Variants in KIAA0825 observed in about 807,000 individuals in gnomAD.
KIAA0825 encodes uncharacterized protein KIAA0825.
A neutral mutation model predicts 147.6 loss-of-function variants in KIAA0825; 119 were observed. That is an observed-to-expected ratio of 0.81 (90% CI 0.69 to 0.94). The LOEUF (loss-of-function observed/expected upper bound fraction) is 0.94, where lower values mean the gene tolerates loss of function less well. Among genes scored for constraint, KIAA0825 ranks in the 40% least tolerant of loss-of-function variants. KIAA0825 has a pLI of 0.00. For missense variants in KIAA0825, 1,381 were observed against 1,472.7 expected (o/e 0.94, Z 1.02); for synonymous variants, 470 against 518.1 (o/e 0.91, Z 1.26).
intron 20 of KIAA0825, among the ~76,000 whole-genome samples, chr5:94,301,684 G>A (rs868084870): frequency 6.6e-5 from 10 of 152,204 alleles, no homozygotes; most frequent in Admixed American, 4.6e-4. Flanking sequence ...TAAATTTCAG[G>A]AAAGAAGAGG....
At chr5:94,279,082 T>C (rs1280816784) in intron 20 of KIAA0825, among the ~76,000 whole-genome samples, 2 of 152,092 alleles carry the variant, frequency 1.3e-5, no homozygotes, top group South Asian at 2.1e-4. Context: ...AGCACCTATA[T>C]TGTAATTAAT....
At chr5:94,326,295 C>T (rs1419089410) in intron 20 of KIAA0825, among the ~76,000 whole-genome samples, 1 of 152,074 alleles carries the variant, frequency 6.6e-6, no homozygotes, top group African/African-American at 2.4e-5. Context: ...CACTCAGCAG[C>T]ATTTCTTTCA....
intron 5 of KIAA0825, among the ~76,000 whole-genome samples, chr5:94,511,780 G>C (rs1455287660): frequency 6.6e-6 from 1 of 152,100 alleles, no homozygotes; most frequent in Non-Finnish European, 1.5e-5. Context: ...CTGGGGTCAG[G>C]AGTTTGAGAC....
chr5:94,335,205 C>T (rs1000695316), intron 20 of KIAA0825, among the ~76,000 whole-genome samples: 3 of 152,178 alleles, frequency 2.0e-5, no homozygotes, highest in South Asian at 2.1e-4. Context: ...TCTCACTTTA[C>T]TGTCCCCCAA....
intron 1 of KIAA0825, among the ~76,000 whole-genome samples, chr5:94,616,055 C>T (rs930682275): frequency 1.3e-5 from 2 of 152,032 alleles, no homozygotes; most frequent in Non-Finnish European, 2.9e-5. Flanking sequence ...GCTTCTATTA[C>T]ACGCCAGGCA....
chr5:94,363,174 C>CT (rs70978103), intron 20 of KIAA0825, among the ~76,000 whole-genome samples: 1,764 of 135,152 alleles, frequency 0.013, 18 homozygotes, highest in Non-Finnish European at 0.02. Flanking sequence ...AACCAGTTTT[C>CT]TTTTTTTTTT....
chr5:94,552,886 G>T (rs1775804102), intron 2 of KIAA0825, among the ~76,000 whole-genome samples: 1 of 152,178 alleles, frequency 6.6e-6, no homozygotes, highest in Admixed American at 6.5e-5. Flanking sequence ...GTAAAGAAAG[G>T]AAGTCATTTG....
intron 5 of KIAA0825, among the ~76,000 whole-genome samples, chr5:94,498,456 T>G (rs1764637039): frequency 1.3e-5 from 2 of 152,216 alleles, no homozygotes; most frequent in African/African-American, 4.8e-5. Context: ...AAACAATTGA[T>G]GATTAAAATA....
chr5:94,343,795 A>G (rs1217184520), intron 20 of KIAA0825, among the ~76,000 whole-genome samples: 4 of 152,232 alleles, frequency 2.6e-5, no homozygotes, highest in African/African-American at 4.8e-5. Flanking sequence ...CATCCATCTT[A>G]TCAATATTTT....
chr5:94,155,213 C>CTTTTTTTTTTTTTTT (rs67704311), intron 20 of KIAA0825, among the ~76,000 whole-genome samples: 1 of 119,066 alleles, frequency 8.4e-6, no homozygotes, highest in Admixed American at 8.4e-5. Context: ...TATTTTCTTT[C>CTTTTTTTTTTTTTTT]TTTTTTTTTT....
At chr5:94,575,903 T>C (rs1236244354) in intron 2 of KIAA0825, among the ~76,000 whole-genome samples, 1 of 152,230 alleles carries the variant, frequency 6.6e-6, no homozygotes, top group African/African-American at 2.4e-5. Flanking sequence ...CAGTAAGGGA[T>C]AAATTATTAC....
intron 20 of KIAA0825, among the ~76,000 whole-genome samples, chr5:94,218,528 T>C (rs73773593): frequency 0.017 from 2,566 of 152,344 alleles, 78 homozygotes; most frequent in African/African-American, 0.058. Context: ...TTTATTTCCC[T>C]GCTTTGGAAC....
chr5:94,507,569 A>G (rs1049946376), intron 5 of KIAA0825, among the ~76,000 whole-genome samples: 4 of 152,144 alleles, frequency 2.6e-5, no homozygotes, highest in African/African-American at 9.7e-5. Flanking sequence ...CCACTTTGAC[A>G]TATAAAATAA....
At chr5:94,374,937 G>A (rs775391098) in intron 20 of KIAA0825, among the ~76,000 whole-genome samples, 1 of 151,956 alleles carries the variant, frequency 6.6e-6, no homozygotes, top group African/African-American at 2.4e-5. Flanking sequence ...GAAAAGGTAA[G>A]CATAGCACCT....
intron 20 of KIAA0825, among the ~76,000 whole-genome samples, chr5:94,206,130 T>A (rs1347870089): frequency 6.6e-6 from 1 of 152,188 alleles, no homozygotes; most frequent in Non-Finnish European, 1.5e-5. Flanking sequence ...TTCTTTGTCT[T>A]TATTTCTCAA....
chr5:94,557,117 T>G (rs1418636992), intron 2 of KIAA0825, among the ~76,000 whole-genome samples: 1 of 152,070 alleles, frequency 6.6e-6, no homozygotes. Flanking sequence ...ATTAATTAAT[T>G]TATTTATTTA....
At chr5:94,579,830 CAAT>C (rs1781751335) in intron 2 of KIAA0825, among the ~76,000 whole-genome samples, 1 of 152,068 alleles carries the variant, frequency 6.6e-6, no homozygotes, top group African/African-American at 2.4e-5. Context: ...GCAACAATAA[CAAT>C]GATTTTAAAT....
At chr5:94,168,249 C>G (rs991569833) in intron 20 of KIAA0825, among the ~76,000 whole-genome samples, 2 of 152,018 alleles carry the variant, frequency 1.3e-5, no homozygotes, top group Admixed American at 6.6e-5. Flanking sequence ...GTTTATCCAG[C>G]TATTTCTGCA....
At chr5:94,331,468 T>A (rs1269328899) in intron 20 of KIAA0825, among the ~76,000 whole-genome samples, 6 of 152,214 alleles carry the variant, frequency 3.9e-5, no homozygotes, top group Non-Finnish European at 7.3e-5. Flanking sequence ...CCAAATGGTT[T>A]CACTGGTAAA....
Sources: allele counts gnomAD v4.1 joint callset (sites outside exome capture counted in the v4.1 genomes callset), GRCh38; gene constraint gnomAD v4.1.1; transcripts MANE v1.5; gene names NCBI Gene and HGNC (gene_info 2026-07-23, HGNC 2026-07-21).